Variants in COL21A1 observed in about 807,000 individuals in gnomAD.
COL21A1 encodes collagen type XXI alpha 1 chain.
COL21A1 carries 149 observed loss-of-function variants against 137.9 expected under a neutral mutation model. The ratio of observed to expected loss-of-function variants is 1.08; its 90% CI spans 0.95 to 1.24. COL21A1 has a LOEUF of 1.24. Ranked by LOEUF, COL21A1 falls within the 50% of genes most tolerant of loss-of-function variation. COL21A1 has a pLI of 0.00. For missense variants in COL21A1, 1,167 were observed against 1,158.4 expected (o/e 1.01, Z -0.11); for synonymous variants, 456 against 391.5 (o/e 1.16, Z -1.95).
At chr6:56,107,566 A>T (rs1467493070) in intron 16 of COL21A1, among the ~76,000 whole-genome samples, 1 of 152,176 alleles carries the variant, frequency 6.6e-6, no homozygotes, top group African/African-American at 2.4e-5. Context: ...AAAAAGAGTC[A>T]CAAAGGAAAG....
At chr6:56,314,257 A>C (rs1440625248) in intron 1 of COL21A1, among the ~76,000 whole-genome samples, 1 of 152,178 alleles carries the variant, frequency 6.6e-6, no homozygotes, top group Non-Finnish European at 1.5e-5. Flanking sequence ...TGCTGGGATT[A>C]CAGGCGTGAG....
chr6:56,323,996 G>A (rs1237606533), intron 1 of COL21A1, among the ~76,000 whole-genome samples: 3 of 152,008 alleles, frequency 2.0e-5, no homozygotes, highest in African/African-American at 7.3e-5. Flanking sequence ...ATCATTTTAT[G>A]GGATATTATA....
intron 1 of COL21A1, among the ~76,000 whole-genome samples, chr6:56,324,658 G>C (rs1764956488): frequency 6.6e-6 from 1 of 151,938 alleles, no homozygotes; most frequent in Admixed American, 6.6e-5. Flanking sequence ...TACCTCATCT[G>C]AACAGCCACG....
chr6:56,391,154 C>A (rs1190985852), intron 1 of COL21A1, among the ~76,000 whole-genome samples: 1 of 152,030 alleles, frequency 6.6e-6, no homozygotes, highest in Non-Finnish European at 1.5e-5. Context: ...AACTAGAAAT[C>A]AGTAACAGAG....
At chr6:56,132,007 A>G (rs1440362333) in intron 12 of COL21A1, among the ~76,000 whole-genome samples, 1 of 151,910 alleles carries the variant, frequency 6.6e-6, no homozygotes. Flanking sequence ...TACCTCTAAT[A>G]TGTCAATAGA....
intron 17 of COL21A1, among the ~76,000 whole-genome samples, chr6:56,086,600 G>A (rs1260235134): frequency 6.6e-6 from 1 of 152,114 alleles, no homozygotes; most frequent in East Asian, 1.9e-4. Context: ...GGCTGAGGAA[G>A]AAGAAGAGGA....
chr6:56,161,571 A>G (rs1287729012), intron 9 of COL21A1, among the ~76,000 whole-genome samples: 3 of 152,188 alleles, frequency 2.0e-5, no homozygotes, highest in Non-Finnish European at 2.9e-5. Context: ...GTGCCAAAGG[A>G]GAATTTTCTT....
intron 1 of COL21A1, among the ~76,000 whole-genome samples, chr6:56,269,687 A>T: frequency 6.6e-6 from 1 of 150,510 alleles, no homozygotes; most frequent in African/African-American, 2.4e-5. Context: ...AAAAGAAGTG[A>T]CAGGTCACTA....
intron 1 of COL21A1, among the ~76,000 whole-genome samples, chr6:56,212,384 T>C (rs756504866): frequency 1.3e-5 from 2 of 152,200 alleles, no homozygotes; most frequent in South Asian, 2.1e-4. Context: ...GAATATACAC[T>C]ACTTAATAAG....
chr6:56,077,283 G>C (rs1002202938), intron 18 of COL21A1, among the ~76,000 whole-genome samples: 2 of 151,218 alleles, frequency 1.3e-5, no homozygotes, highest in African/African-American at 4.8e-5. Flanking sequence ...TTATGTTAGA[G>C]AACAAAGTTG....
chr6:56,143,731 C>T (rs1034946796), intron 10 of COL21A1, among the ~76,000 whole-genome samples: 4 of 152,262 alleles, frequency 2.6e-5, no homozygotes, highest in Non-Finnish European at 4.4e-5. Flanking sequence ...ATCATCTGTT[C>T]GCTAGACTAG....
intron 1 of COL21A1, among the ~76,000 whole-genome samples, chr6:56,264,475 C>A (rs1467226910): frequency 6.6e-6 from 1 of 152,134 alleles, no homozygotes; most frequent in Non-Finnish European, 1.5e-5. Context: ...ATGTCAGAAT[C>A]CTGGACACTC....
chr6:56,167,478 T>C (rs565765608), intron 6 of COL21A1, among the ~76,000 whole-genome samples: 206 of 152,346 alleles, frequency 1.4e-3, no homozygotes, highest in Non-Finnish European at 2.2e-3. Flanking sequence ...CATTAATTCA[T>C]AGAGACCACA....
intron 1 of COL21A1, among the ~76,000 whole-genome samples, chr6:56,267,134 G>T (rs1223478191): frequency 2.0e-5 from 3 of 152,006 alleles, no homozygotes; most frequent in African/African-American, 4.8e-5. Context: ...AATACATAAG[G>T]TGTCATGAAA....
At chr6:56,068,903 T>C in intron 22 of COL21A1, 143 bp downstream of exon 22, 1 of 628,476 alleles carries the variant, frequency 1.6e-6, no homozygotes, top group Non-Finnish European at 2.8e-6. Context: ...GGGCTGAACA[T>C]ATTATACATA....
chr6:56,258,266 TC>T (rs953344931), intron 1 of COL21A1, among the ~76,000 whole-genome samples: 1 of 152,148 alleles, frequency 6.6e-6, no homozygotes, highest in Non-Finnish European at 1.5e-5. Flanking sequence ...AGTACATACT[TC>T]TTAAAATTAA....
upstream of COL21A1, among the ~76,000 whole-genome samples, chr6:56,251,247 GCCTAAATGACTA>G (rs1469612195): frequency 6.6e-6 from 1 of 152,124 alleles, no homozygotes; most frequent in Non-Finnish European, 1.5e-5. Context: ...AAAAGAATAA[GCCTAAATGACTA>G]CTATATTATG....
chr6:56,130,255 A>T (rs960028297), intron 12 of COL21A1, among the ~76,000 whole-genome samples: 1 of 145,420 alleles, frequency 6.9e-6, no homozygotes, highest in Non-Finnish European at 1.5e-5. Flanking sequence ...TGAAATTAAA[A>T]TTTCAAATTA....
chr6:56,290,498 G>GTTTTTTTTTTTTT (rs371058894), intron 1 of COL21A1, among the ~76,000 whole-genome samples: 10 of 132,956 alleles, frequency 7.5e-5, no homozygotes, highest in African/African-American at 1.2e-4. Flanking sequence ...TCACTTAGGA[G>GTTTTTTTTTTTTT]ATTTTTTTTT....
Sources: allele counts gnomAD v4.1 joint callset (sites outside exome capture counted in the v4.1 genomes callset), GRCh38; gene constraint gnomAD v4.1.1; transcripts MANE v1.5; gene names NCBI Gene and HGNC (gene_info 2026-07-23, HGNC 2026-07-21).